Variants in GPHN observed in about 807,000 individuals in gnomAD.
GPHN encodes gephyrin.
A neutral mutation model predicts 95.5 loss-of-function variants in GPHN; 17 were observed. That is an observed-to-expected ratio of 0.18 (90% confidence interval 0.12 to 0.27). GPHN has a LOEUF of 0.27. Ranked by LOEUF, GPHN falls within the 10% of genes least tolerant of loss-of-function variation. The probability of loss-of-function intolerance (pLI) is 1.00; values close to 1 mark genes in which losing one functional copy is unlikely to be tolerated. For missense variants in GPHN, 660 were observed against 978.1 expected (o/e 0.67, Z 4.34); for synonymous variants, 320 against 322.5 (o/e 0.99, Z 0.08).
intron 1 of GPHN, among the ~76,000 whole-genome samples, chr14:66,620,775 G>A (rs1378259484): frequency 6.6e-6 from 1 of 152,082 alleles, no homozygotes; most frequent in Non-Finnish European, 1.5e-5. Flanking sequence ...AAAGTCCACA[G>A]TCCAAAGTCT....
intron 9 of GPHN, among the ~76,000 whole-genome samples, chr14:66,986,848 C>T (rs1437697744): frequency 6.6e-6 from 1 of 152,158 alleles, no homozygotes; most frequent in African/African-American, 2.4e-5. Flanking sequence ...TTTCTGCACT[C>T]TTTCCTCTCC....
chr14:67,223,590 A>C, the GPHN span: 1 of 397,134 alleles, frequency 2.5e-6, no homozygotes, highest in Non-Finnish European at 3.4e-6. Flanking sequence ...GAGCAGAAAA[A>C]TTCCACTCTG....
chr14:66,781,492 A>G (rs1040516033), intron 3 of GPHN, among the ~76,000 whole-genome samples: 1 of 152,162 alleles, frequency 6.6e-6, no homozygotes, highest in African/African-American at 2.4e-5. Context: ...TGCTGGGATT[A>G]CAGACGTGAG....
the GPHN span, chr14:67,580,064 G>A: frequency 3.4e-6 from 2 of 584,148 alleles, no homozygotes; most frequent in East Asian, 2.9e-5. Context: ...AAGCTGTTGT[G>A]TGCCCTTGTC....
chr14:66,816,868 A>G (rs1490788092), intron 3 of GPHN, among the ~76,000 whole-genome samples: 1 of 152,122 alleles, frequency 6.6e-6, no homozygotes, highest in Admixed American at 6.5e-5. Context: ...ATAAGGCTCC[A>G]GATAGATACA....
At chr14:67,579,799 T>A in the GPHN span, 11 of 1,611,030 alleles carry the variant, frequency 6.8e-6, no homozygotes, top group Admixed American at 1.7e-5. Flanking sequence ...GAGAAAGCCA[T>A]CCCACTCTGG....
chr14:66,744,599 T>A (rs9323482), intron 2 of GPHN, among the ~76,000 whole-genome samples: 49,723 of 152,158 alleles, frequency 0.33, 11,900 homozygotes, highest in African/African-American at 0.65. Context: ...CTTATACAAG[T>A]AGTCTGATCT....
chr14:67,503,425 G>A, the GPHN span: 3 of 152,236 alleles, frequency 2.0e-5, no homozygotes, highest in African/African-American at 7.2e-5. Flanking sequence ...GGGGAGATAC[G>A]TTTGGAAAAG....
chr14:66,629,958 G>A (rs1003140195), intron 1 of GPHN, among the ~76,000 whole-genome samples: 1 of 152,148 alleles, frequency 6.6e-6, no homozygotes, highest in African/African-American at 2.4e-5. Flanking sequence ...TTAAATAAGA[G>A]TAAGGACTTT....
At chr14:67,105,166 T>C (rs2077965008) in intron 13 of GPHN, among the ~76,000 whole-genome samples, 1 of 152,140 alleles carries the variant, frequency 6.6e-6, no homozygotes, top group Admixed American at 6.5e-5. Flanking sequence ...CTTGTATTGA[T>C]TTATAGTTTC....
the GPHN span, among the ~76,000 whole-genome samples, chr14:67,234,218 G>A: frequency 6.6e-6 from 1 of 152,122 alleles, no homozygotes; most frequent in Non-Finnish European, 1.5e-5. Context: ...GACAGAGCTG[G>A]GATTCAAACC....
intron 11 of GPHN, among the ~76,000 whole-genome samples, chr14:67,070,787 C>A (rs897064993): frequency 6.7e-6 from 1 of 148,524 alleles, no homozygotes; most frequent in African/African-American, 2.5e-5. Context: ...ACTGTGGGTC[C>A]CACTTGTGTG....
At chr14:67,570,039 G>A in the GPHN span, 2 of 1,446,912 alleles carry the variant, frequency 1.4e-6, no homozygotes, top group African/African-American at 1.4e-5. Context: ...CAAAGAGGGG[G>A]TGTCTCATCA....
At chr14:66,702,995 C>G (rs2068704037) in intron 2 of GPHN, among the ~76,000 whole-genome samples, 1 of 152,024 alleles carries the variant, frequency 6.6e-6, no homozygotes, top group Non-Finnish European at 1.5e-5. Flanking sequence ...CTTCATGAAG[C>G]ATACACAAGA....
chr14:67,324,940 T>A, the GPHN span, among the ~76,000 whole-genome samples: 1 of 138,916 alleles, frequency 7.2e-6, no homozygotes, highest in African/African-American at 2.8e-5. Flanking sequence ...AGTCTTGCTC[T>A]GTCACCCAGG....
At chr14:66,788,923 C>T (rs2059879022) in intron 3 of GPHN, among the ~76,000 whole-genome samples, 1 of 152,186 alleles carries the variant, frequency 6.6e-6, no homozygotes, top group African/African-American at 2.4e-5. Flanking sequence ...AGGTGATCCA[C>T]CCACCTCAGC....
the GPHN span, chr14:67,197,370 G>A: frequency 6.6e-6 from 1 of 152,156 alleles, no homozygotes; most frequent in African/African-American, 2.4e-5. Flanking sequence ...GAGATTTGAT[G>A]GTTCTTACAG....
intron 8 of GPHN, among the ~76,000 whole-genome samples, chr14:66,935,736 TTATG>T (rs1487768913): frequency 2.0e-5 from 3 of 151,880 alleles, no homozygotes; most frequent in African/African-American, 2.4e-5. Flanking sequence ...ATACATGTGT[TTATG>T]TATACATATA....
chr14:67,623,182 T>A, the GPHN span, among the ~76,000 whole-genome samples: 1 of 152,344 alleles, frequency 6.6e-6, no homozygotes, highest in African/African-American at 2.4e-5. Context: ...AAACTGTGGC[T>A]CTCAGCAGAT....
Sources: allele counts gnomAD v4.1 joint callset (sites outside exome capture counted in the v4.1 genomes callset), GRCh38; gene constraint gnomAD v4.1.1; transcripts MANE v1.5; gene names NCBI Gene and HGNC (gene_info 2026-07-23, HGNC 2026-07-21).